Variants in TMEM40 observed in about 807,000 individuals in gnomAD.
TMEM40 encodes transmembrane protein 40.
In TMEM40, 34 loss-of-function variants were observed where a neutral mutation model predicts 40.8. That is an observed-to-expected ratio of 0.83 (90% CI 0.63 to 1.11). The LOEUF is 1.11. Among genes scored for constraint, TMEM40 ranks in the 50% least tolerant of loss-of-function variants. The pLI is 0.00. For synonymous variants in TMEM40, 106 were observed against 107.0 expected (o/e 0.99, Z 0.06); for missense variants, 296 against 280.2 (o/e 1.06, Z -0.40).
chr3:12,751,766 A>AGATC (rs1287048371), intron 1 of TMEM40, among the ~76,000 whole-genome samples: 2 of 152,192 alleles, frequency 1.3e-5, no homozygotes, highest in African/African-American at 4.8e-5. Flanking sequence ...TCATTGGCTG[A>AGATC]GATCATCTCT....
Position 12,738,800 on chromosome 3 carries a change from A to C in TMEM40, c.356-212T>G, listed in dbSNP as rs548374912. ...AAAGCTGCTGTAGGAACGCCTACCCACTCTTACAGGTCTGTCAATTTCCCC... is the reference window on the plus strand; with the variant it reads ...AAAGCTGCTGTAGGAACGCCTACCCCCTCTTACAGGTCTGTCAATTTCCCC... On this transcript the variant is annotated intron_variant, in intron 5 of 11. Coordinates refer to ENST00000314124, the MANE Select transcript of TMEM40 (RefSeq NM_018306.4). 1.0e-4 allele frequency: 55 copies of C among 549,730 alleles called. 1 individual carries two copies. In the African/African-American group the frequency reaches 1.0e-3, roughly 10 times the overall value. 34.1% of individuals were successfully genotyped at this position (549,730 alleles called of 1,614,324 possible).
upstream of TMEM40, among the ~76,000 whole-genome samples, chr3:12,761,343 G>A (rs1200950487): frequency 1.3e-5 from 2 of 152,190 alleles, no homozygotes; most frequent in Admixed American, 6.5e-5. Context: ...CGTGGCTCAC[G>A]CCTATAATCC....
chr3:12,737,555 T>C, intron 8 of TMEM40, 152 bp downstream of exon 8: 2 of 716,132 alleles, frequency 2.8e-6, no homozygotes, highest in Non-Finnish European at 4.8e-6. Flanking sequence ...TCCCACCCTG[T>C]TGAGGTGATT....
In TMEM40 at chr3:12,738,437, C is replaced by G. The variant is rs367981039; in HGVS notation, c.391+116G>C. On this transcript the variant is annotated intron_variant, in intron 6 of 11. Transcript: ENST00000314124. ...GCCTAGGCTAAGTGGACCTGGGGCT[C>G]CTGTTTCTCAGAGCCAGGTATCCCA... 69 of 1,241,138 alleles carry G rather than the reference C, an allele frequency of 5.6e-5. 4 individuals are homozygous for G. Among genetic ancestry groups the G allele is most frequent in the African/African-American group, 1.3e-4 (9 of 67,630 alleles). 76.9% of individuals were successfully genotyped at this position (1,241,138 alleles called of 1,614,324 possible).
At position 12,743,891 on chromosome 3, in the gene TMEM40, A is replaced by G. The variant is rs1019072170; in HGVS notation, c.301+9T>C. The G allele has an allele frequency of 5.0e-6, 8 of 1,612,820 alleles. No homozygotes were observed. Among genetic ancestry groups the G allele is most frequent in the Admixed American group, 3.3e-5 (2 of 59,866 alleles). The stretch of plus-strand genomic sequence containing the variant: ...GGGCAAAAGAAAAATGGTAAGGCCT[A>G]TTTCCTACCGGGTGAGCCGTTCCCG... On this transcript the variant is annotated intron_variant, in intron 4 of 11. Transcript: ENST00000314124.
intron 1 of TMEM40, among the ~76,000 whole-genome samples, chr3:12,755,244 T>TC (rs2061517179): frequency 3.7e-5 from 4 of 107,350 alleles, no homozygotes; most frequent in African/African-American, 1.5e-4. Flanking sequence ...TCTTTCTTTC[T>TC]TTCTTTCTTT....
rs11920011 is a variant in TMEM40, at chr3:12,744,048, G to A, written c.212-59C>T. On this transcript the variant is annotated intron_variant, in intron 3 of 11. Coordinates refer to ENST00000314124, the MANE Select transcript of TMEM40 (RefSeq NM_018306.4). ...TCAGCCTGGAACAAGCTGGGAATGC[G>A]TTCATTCTGGTGGCCATTCTCAGAA... 9.7e-3 allele frequency: 14,659 copies of A among 1,515,168 alleles called. 720 individuals are homozygous for A. In the African/African-American group the frequency reaches 0.13, roughly 14 times the overall value. The allele number at this position is 1,515,168 out of a possible 1,614,324, so 93.9% of individuals were successfully genotyped here. A position where few individuals can be genotyped will look rare whatever the true frequency, so the allele number is the denominator to read the frequency against.
At chr3:12,734,903 A>T (rs1575727907) in intron 11 of TMEM40, 110 bp from the exon 12 acceptor site, 1 of 1,297,064 alleles carries the variant, frequency 7.7e-7, no homozygotes, top group Non-Finnish European at 1.1e-6. Context: ...TGATGTAGTC[A>T]CCCCAGAAGC....
chr3:12,760,735 T>C (rs2061563909), upstream of TMEM40, among the ~76,000 whole-genome samples: 1 of 151,320 alleles, frequency 6.6e-6, no homozygotes, highest in Non-Finnish European at 1.5e-5. Flanking sequence ...TGACAGTAGG[T>C]GCTCACTAAT....
intron 1 of TMEM40, among the ~76,000 whole-genome samples, chr3:12,753,495 G>A (rs370143677): frequency 3.3e-5 from 5 of 151,888 alleles, no homozygotes; most frequent in South Asian, 2.1e-4. Flanking sequence ...AAGTGCTGAC[G>A]TTACAGGCAT....
Position 12,734,067 on chromosome 3 carries a change from GC to G in TMEM40, c.*706del, listed in dbSNP as rs1270725312. The G allele has an allele frequency of 6.6e-6, 1 of 151,616 alleles. No individual in the cohort carries two copies. Among genetic ancestry groups the G allele is most frequent in the Non-Finnish European group, 1.5e-5 (1 of 67,992 alleles). The allele number at this position is 151,616 out of a possible 1,614,324, so 9.4% of individuals were successfully genotyped here. On this transcript the variant is annotated 3_prime_UTR_variant, in exon 12 of 12. Coordinates refer to ENST00000314124, the MANE Select transcript of TMEM40 (RefSeq NM_018306.4). ...CCGCAGGTATGTACAGGTATGTACC[GC>G]CACATTTGGTCATTAAAAAAAAATT...
chr3:12,736,956 G>A, intron 8 of TMEM40, 121 bp from the exon 9 acceptor site: 7 of 1,265,210 alleles, frequency 5.5e-6, no homozygotes, highest in Non-Finnish European at 8.0e-6. Flanking sequence ...CCAGCTCATT[G>A]CAGCCTTGAA....
chr3:12,745,831 A>C (rs2061423075), intron 3 of TMEM40, among the ~76,000 whole-genome samples: 1 of 152,144 alleles, frequency 6.6e-6, no homozygotes, highest in Non-Finnish European at 1.5e-5. Flanking sequence ...TCTCTGATTT[A>C]GTTATTTAAA....
At chr3:12,753,379 G>C (rs1369062458) in intron 1 of TMEM40, among the ~76,000 whole-genome samples, 2 of 151,534 alleles carry the variant, frequency 1.3e-5, no homozygotes, top group Non-Finnish European at 2.9e-5. Context: ...ACCACACCTA[G>C]CTAATTTTTT....
upstream of TMEM40, among the ~76,000 whole-genome samples, chr3:12,763,182 A>C (rs2061580613): frequency 6.9e-6 from 1 of 144,484 alleles, no homozygotes; most frequent in Non-Finnish European, 1.5e-5. Context: ...AAAAAAAAAA[A>C]GGTTTAAATG....
chr3:12,768,385 C>T (rs1039230404), intron 1 of TMEM40, among the ~76,000 whole-genome samples: 1 of 152,002 alleles, frequency 6.6e-6, no homozygotes, highest in African/African-American at 2.4e-5. Context: ...TTATGTGGCC[C>T]CACTCACATC....
chr3:12,748,255 G>A (rs1047081220), intron 3 of TMEM40, among the ~76,000 whole-genome samples: 4 of 152,230 alleles, frequency 2.6e-5, no homozygotes, highest in African/African-American at 9.6e-5. Context: ...CCAAGGACGT[G>A]TAGCTACTTA....
At chr3:12,756,825 C>T (rs2061532164) in intron 1 of TMEM40, among the ~76,000 whole-genome samples, 1 of 151,928 alleles carries the variant, frequency 6.6e-6, no homozygotes, top group African/African-American at 2.4e-5. Context: ...CACACACACT[C>T]TGTCTCTCAC....
chr3:12,749,879 A>T, intron 1 of TMEM40, 39 bp from the exon 2 acceptor site: 1 of 1,555,368 alleles, frequency 6.4e-7, no homozygotes, highest in Non-Finnish European at 8.8e-7. Context: ...ATATCACCTT[A>T]GTTAATATCT....
Sources: gnomAD v4.1 joint callset for allele counts (sites outside exome capture counted in the v4.1 genomes callset) on GRCh38, gnomAD v4.1.1 for gene constraint, MANE v1.5 for transcripts, NCBI Gene and HGNC (gene_info 2026-07-23, HGNC 2026-07-21) for gene names.